Variants in MAMDC2 observed in about 807,000 individuals in gnomAD.
MAMDC2 encodes the protein MAM domain containing 2.
In MAMDC2, 57 loss-of-function variants were observed where a neutral mutation model predicts 89.8. The observed-to-expected ratio is 0.63, with a 90% CI of 0.51 to 0.79. The LOEUF (loss-of-function observed/expected upper bound fraction) is 0.79. Among genes scored for constraint, MAMDC2 ranks in the 30% least tolerant of loss-of-function variants. MAMDC2 has a pLI of 0.00. For synonymous variants in MAMDC2, 313 were observed against 293.4 expected, an observed-to-expected ratio of 1.07 and a Z score of -0.68; for missense variants, 800 against 820.6, an observed-to-expected ratio of 0.97 and a Z score of 0.31.
At chr9:70,199,146 C>T (rs971747387) in intron 11 of MAMDC2, among the ~76,000 whole-genome samples, 30 of 147,260 alleles carry the variant, frequency 2.0e-4, no homozygotes, top group African/African-American at 7.0e-4. Context: ...TGTGCTGGTG[C>T]GCTGCACCCA....
In MAMDC2 at chr9:70,216,897, T is replaced by C. The variant is rs374271706; in HGVS notation, c.1652-1440T>C. 2.6e-5 allele frequency among the ~76,000 whole-genome samples: 4 copies of C among 152,326 alleles called. No homozygotes were observed. The South Asian group carries it at 8.3e-4, about 32-fold the overall frequency. ...GCTTTGAGAAGGATGTACTGACTTGTATACATGTCCAATTTCTGTAGTTTA... is the reference window on the plus strand; with the variant it reads ...GCTTTGAGAAGGATGTACTGACTTGCATACATGTCCAATTTCTGTAGTTTA... On this transcript the variant is annotated intron_variant, in intron 11 of 13. Coordinates refer to ENST00000377182, the MANE Select transcript of MAMDC2 (RefSeq NM_153267.5).
intron 5 of MAMDC2, among the ~76,000 whole-genome samples, chr9:70,115,638 A>G (rs1185954500): frequency 1.3e-5 from 2 of 152,164 alleles, no homozygotes; most frequent in African/African-American, 2.4e-5. Context: ...AGCACTTTTG[A>G]CAGTGACAAA....
chr9:70,060,923 C>A (rs1299382014), intron 2 of MAMDC2, among the ~76,000 whole-genome samples: 1 of 152,208 alleles, frequency 6.6e-6, no homozygotes, highest in African/African-American at 2.4e-5. Context: ...TCTCTCTCAT[C>A]ATCATGGATT....
At chr9:70,085,856 A>G (rs924331401) in intron 2 of MAMDC2, 7 of 152,196 alleles carry the variant, frequency 4.6e-5, no homozygotes, top group African/African-American at 1.4e-4. Context: ...TAAATTACCT[A>G]TGTTATATAT....
intron 6 of MAMDC2, among the ~76,000 whole-genome samples, chr9:70,131,160 C>A (rs2030790928): frequency 1.3e-5 from 2 of 152,176 alleles, no homozygotes; most frequent in South Asian, 4.1e-4. Flanking sequence ...CCAGAAGGGG[C>A]AAATGAGCTC....
intron 12 of MAMDC2, among the ~76,000 whole-genome samples, chr9:70,219,090 A>G (rs533921228): frequency 6.6e-6 from 1 of 152,254 alleles, no homozygotes; most frequent in South Asian, 2.1e-4. Context: ...AAAGAAACTG[A>G]GAGACTTGAT....
At chr9:70,210,571 T>G in intron 11 of MAMDC2, among the ~76,000 whole-genome samples, 1 of 152,196 alleles carries the variant, frequency 6.6e-6, no homozygotes, top group Non-Finnish European at 1.5e-5. Flanking sequence ...CACTGATGGG[T>G]CTTGACTCTT....
At chr9:70,073,637 A>G (rs1232832527) in intron 2 of MAMDC2, among the ~76,000 whole-genome samples, 1 of 152,252 alleles carries the variant, frequency 6.6e-6, no homozygotes, top group Non-Finnish European at 1.5e-5. Context: ...CTTTCAAATA[A>G]TGTGAATTAT....
At chr9:70,143,911 T>C (rs1476707963) in intron 9 of MAMDC2, 92 bp downstream of exon 9, 1 of 1,475,552 alleles carries the variant, frequency 6.8e-7, no homozygotes, top group African/African-American at 1.4e-5. Flanking sequence ...GGTGATGTAT[T>C]ATTTTCCTTC....
rs1563959895 is a variant in MAMDC2, at chr9:70,113,037, GC to G, written c.549del (p.Trp184GlyfsTer5). ...EENHLCGFVN[R>X]WNPNVNWFVG... ...AATCATCTCTGTGGCTTTGTGAACC[GC>G]TGGAATCCCAATGTGAACTGGTTTG... On this transcript the variant is annotated frameshift_variant, in exon 5 of 14. Coordinates refer to ENST00000377182, the MANE Select transcript of MAMDC2 (RefSeq NM_153267.5). LOFTEE classifies it high-confidence loss of function. 6.2e-7 allele frequency: 1 copy of G among 1,614,124 alleles called. No individual in the cohort carries two copies. The highest frequency in any genetic ancestry group is 1.7e-5 in the Admixed American group (1 of 60,014).
At chr9:70,127,781 C>T (rs1000349475) in intron 6 of MAMDC2, among the ~76,000 whole-genome samples, 1 of 151,790 alleles carries the variant, frequency 6.6e-6, no homozygotes, top group Non-Finnish European at 1.5e-5. Flanking sequence ...TCGATTTGTT[C>T]TTGCAGCCCA....
At chr9:70,099,387 A>G (rs1232021433) in intron 2 of MAMDC2, among the ~76,000 whole-genome samples, 1 of 152,232 alleles carries the variant, frequency 6.6e-6, no homozygotes, top group Non-Finnish European at 1.5e-5. Context: ...TGCAAAGAAA[A>G]TAACACTCCT....
At chr9:70,188,550 T>A (rs1363407058) in intron 11 of MAMDC2, 1 of 152,084 alleles carries the variant, frequency 6.6e-6, no homozygotes, top group African/African-American at 2.4e-5. Context: ...AGTAATTTTT[T>A]AAAATGTTAT....
At chr9:70,191,241 C>T (rs754244347) in intron 11 of MAMDC2, among the ~76,000 whole-genome samples, 1 of 152,018 alleles carries the variant, frequency 6.6e-6, no homozygotes, top group Non-Finnish European at 1.5e-5. Flanking sequence ...GTTCTCATTG[C>T]TTTTATGGAG....
In MAMDC2 at chr9:70,126,168, T is replaced by C; in HGVS notation, c.653T>C (p.Met218Thr). 1 of 1,569,988 alleles carries C rather than the reference T, an allele frequency of 6.4e-7. No homozygotes were observed. Among genetic ancestry groups the C allele is most frequent in the Non-Finnish European group, 8.7e-7 (1 of 1,150,028 alleles). The change falls in exon 6 of 14, where the codon ATG (methionine) becomes ACG (threonine). Residue 218 changes from methionine (M) to threonine (T), a missense_variant. Met to Thr is a moderately conservative substitution (Grantham distance 81). Coordinates refer to ENST00000377182, the MANE Select transcript of MAMDC2 (RefSeq NM_153267.5). Reference sequence around the variant, plus strand: ...TCTGTGTGATTTTCAGGCCACTACATGTACGTGGACTCAGTTTATGTGAAG... The same window carrying C: ...TCTGTGTGATTTTCAGGCCACTACACGTACGTGGACTCAGTTTATGTGAAG... ...HTFKSELGHY[M>T]YVDSVYVKHF... is the part of the protein sequence containing the mutation.
chr9:70,079,176 C>T (rs1364003122), intron 2 of MAMDC2: 3 of 152,182 alleles, frequency 2.0e-5, no homozygotes, highest in African/African-American at 7.2e-5. Flanking sequence ...GGTAATAAAC[C>T]ATGCTCTACC....
intron 2 of MAMDC2, among the ~76,000 whole-genome samples, chr9:70,074,582 C>T (rs761182317): frequency 2.6e-5 from 4 of 152,192 alleles, no homozygotes; most frequent in Non-Finnish European, 4.4e-5. Context: ...GGCTTGCTTT[C>T]CCAGCCGCCA....
At chr9:70,058,052 A>T (rs932900932) in intron 2 of MAMDC2, among the ~76,000 whole-genome samples, 3 of 152,218 alleles carry the variant, frequency 2.0e-5, no homozygotes, top group African/African-American at 7.2e-5. Flanking sequence ...CCAAAGTGAC[A>T]TTTGCAAGCA....
At chr9:70,115,190 T>C (rs969421970) in intron 5 of MAMDC2, among the ~76,000 whole-genome samples, 3 of 152,092 alleles carry the variant, frequency 2.0e-5, no homozygotes, top group African/African-American at 7.2e-5. Context: ...CAGAGATTAT[T>C]TCAATAGATG....
Sources: gnomAD v4.1 joint callset for allele counts (sites outside exome capture counted in the v4.1 genomes callset) on GRCh38, gnomAD v4.1.1 for gene constraint, MANE v1.5 for transcripts, NCBI Gene and HGNC (gene_info 2026-07-23, HGNC 2026-07-21) for gene names.